Variants in KIAA1217 observed in about 807,000 individuals in gnomAD.
KIAA1217 encodes the protein sickle tail protein homolog.
Under a neutral mutation model 163.9 loss-of-function variants are expected in KIAA1217, and 88 were observed. The ratio of observed to expected loss-of-function variants is 0.54; its 90% CI spans 0.45 to 0.64. KIAA1217 has a LOEUF of 0.64. Ranked by LOEUF, KIAA1217 falls within the 30% of genes least tolerant of loss-of-function variation. The probability of loss-of-function intolerance (pLI) is 0.00; values close to 1 mark genes in which losing one functional copy is unlikely to be tolerated. For synonymous variants in KIAA1217, 903 were observed against 923.1 expected (o/e 0.98, Z 0.39); for missense variants, 2,372 against 2,475.0 (o/e 0.96, Z 0.88).
Position 23,717,870 on chromosome 10 carries a change from T to C in KIAA1217, c.-321+22636T>C, listed in dbSNP as rs993736199. On this transcript the variant is annotated intron_variant, in intron 1 of 18. Transcript: ENST00000376462. ...ACCACTTGTTCAGGAAAAGTTCAGT[T>C]CATCTAACAATGAGACTCAGGTCCT... 2.0e-5 allele frequency among the ~76,000 whole-genome samples: 3 copies of C among 152,290 alleles called. No individual in the cohort carries two copies. The South Asian group carries it at 6.2e-4, about 32-fold the overall frequency.
intron 3 of KIAA1217, among the ~76,000 whole-genome samples, chr10:24,423,995 T>C (rs1435101175): frequency 6.6e-6 from 1 of 152,168 alleles, no homozygotes; most frequent in Non-Finnish European, 1.5e-5. Flanking sequence ...TAGATCCTTC[T>C]TGAATACAGC....
chr10:24,165,905 C>CT (rs1337860328), intron 2 of KIAA1217, among the ~76,000 whole-genome samples: 1 of 152,100 alleles, frequency 6.6e-6, no homozygotes, highest in East Asian at 1.9e-4. Flanking sequence ...ACTTTGCTGG[C>CT]TTTTATCAGT....
In KIAA1217 at chr10:24,542,942, T is replaced by C; in HGVS notation, c.3672T>C (p.Asn1224=). The change falls in exon 19 of 21, where the codon AAT becomes AAC. Residue 1224 remains asparagine, a synonymous_variant. Coordinates refer to ENST00000376454, the MANE Select transcript of KIAA1217 (RefSeq NM_019590.5). ...CTAAGTGGGAAAGAGGAATGGAGAA[T>C]AGTATTTCTGATGCATCAAGAACAT... ...DPPKWERGME[N]SISDASRTSE... The C allele has an allele frequency of 1.2e-6, 2 of 1,613,522 alleles. No individual in the cohort carries two copies. Among genetic ancestry groups the C allele is most frequent in the South Asian group, 1.1e-5 (1 of 91,032 alleles).
At chr10:24,371,514 T>C (rs375010220) in intron 2 of KIAA1217, among the ~76,000 whole-genome samples, 1 of 152,256 alleles carries the variant, frequency 6.6e-6, no homozygotes, top group Non-Finnish European at 1.5e-5. Context: ...GCAATCTGCA[T>C]GTCTGAAATT....
chr10:23,840,786 A>G (rs1426003160), intron 1 of KIAA1217, among the ~76,000 whole-genome samples: 1 of 152,220 alleles, frequency 6.6e-6, no homozygotes, highest in Admixed American at 6.5e-5. Flanking sequence ...CTATAAAGAA[A>G]CTTGTGGAAA....
intron 1 of KIAA1217, among the ~76,000 whole-genome samples, chr10:23,774,676 G>T (rs1337286544): frequency 6.6e-6 from 1 of 152,100 alleles, no homozygotes; most frequent in Non-Finnish European, 1.5e-5. Flanking sequence ...TCCCCAGGCT[G>T]TCCACAAGAC....
chr10:24,068,285 C>T (rs1393215493), intron 2 of KIAA1217, among the ~76,000 whole-genome samples: 1 of 152,158 alleles, frequency 6.6e-6, no homozygotes, highest in Non-Finnish European at 1.5e-5. Context: ...ATCTTAGCTC[C>T]ACACCCTCAG....
intron 1 of KIAA1217, among the ~76,000 whole-genome samples, chr10:23,796,571 C>T (rs1836217655): frequency 1.3e-5 from 2 of 151,984 alleles, no homozygotes; most frequent in South Asian, 4.1e-4. Context: ...CCATGTTGGC[C>T]AGGATGGTCT....
intron 1 of KIAA1217, among the ~76,000 whole-genome samples, chr10:23,950,684 C>T (rs1180527418): frequency 6.6e-6 from 1 of 152,010 alleles, no homozygotes; most frequent in Non-Finnish European, 1.5e-5. Context: ...GGGACTGACC[C>T]TGGGCTCAAA....
At chr10:24,087,614 T>C (rs1320048759) in intron 2 of KIAA1217, among the ~76,000 whole-genome samples, 1 of 152,204 alleles carries the variant, frequency 6.6e-6, no homozygotes, top group Non-Finnish European at 1.5e-5. Context: ...CTAACCCTCA[T>C]AGTTAGCCTT....
In KIAA1217 at chr10:24,283,076, A is replaced by G. The variant is rs370349000; in HGVS notation, c.354+63167A>G. On this transcript the variant is annotated intron_variant, in intron 2 of 20. Transcript: ENST00000376454. ...TTGAACTCCCAACCTCAGGTGATCC[A>G]CCCACCTCGTCCTCCCAAAGTGCTG... Among the ~76,000 whole-genome samples the G allele has an allele frequency of 1.3e-3, 203 of 151,212 alleles. 1 individual carries two copies. Among genetic ancestry groups the G allele is most frequent in the African/African-American group, 4.4e-3 (182 of 41,274 alleles).
At chr10:24,318,558 CTCTTTCTGGTTT>C (rs1564463359) in intron 2 of KIAA1217, among the ~76,000 whole-genome samples, 1 of 152,148 alleles carries the variant, frequency 6.6e-6, no homozygotes, top group East Asian at 1.9e-4. Flanking sequence ...ATCACTCTCT[CTCTTTCTGGTTT>C]TCTCTTGAAT....
chr10:24,473,106 T>C, intron 5 of KIAA1217, 122 bp from the exon 6 acceptor site: 1 of 644,506 alleles, frequency 1.6e-6, no homozygotes. Context: ...AGGAAACATA[T>C]TCACAGATTC....
Position 24,433,020 on chromosome 10 carries a change from T to A in KIAA1217, c.579T>A (p.Asp193Glu), listed in dbSNP as rs537480498. The change falls in exon 4 of 21, where the codon GAT (aspartate) becomes GAA (glutamate). Residue 193 changes from aspartate to glutamate, a missense_variant. By Grantham distance (45) the Asp-to-Glu change is conservative. Coordinates refer to ENST00000376454, the MANE Select transcript of KIAA1217 (RefSeq NM_019590.5). ...GGGTTCTCTATCTCCAGTATGGAGATGAAACCAAGCAGCTCAGGATGCCGA... is the reference window on the plus strand; with the variant it reads ...GGGTTCTCTATCTCCAGTATGGAGAAGAAACCAAGCAGCTCAGGATGCCGA... ...SLGVLYLQYG[D>E]ETKQLRMPNE... The A allele has an allele frequency of 2.5e-6, 4 of 1,614,164 alleles. No homozygotes were observed. The South Asian group carries it at 3.3e-5, about 13-fold the overall frequency.
At chr10:24,540,626 G>A (rs746103415) in intron 17 of KIAA1217, among the ~76,000 whole-genome samples, 4 of 152,166 alleles carry the variant, frequency 2.6e-5, no homozygotes, top group African/African-American at 4.8e-5. Flanking sequence ...CATCTGCCAC[G>A]TGTGTGTCTT....
intron 2 of KIAA1217, among the ~76,000 whole-genome samples, chr10:24,092,932 G>GT (rs1248618966): frequency 1.4e-5 from 2 of 148,096 alleles, no homozygotes; most frequent in African/African-American, 5.0e-5. Context: ...TGTGTGTTGT[G>GT]TGTGTGTGTG....
chr10:24,187,574 G>T (rs1031069253), intron 2 of KIAA1217, among the ~76,000 whole-genome samples: 4 of 152,142 alleles, frequency 2.6e-5, no homozygotes, highest in African/African-American at 9.7e-5. Context: ...CAATTTCTTT[G>T]AAGTCCAGCA....
intron 1 of KIAA1217, among the ~76,000 whole-genome samples, chr10:23,785,510 T>A (rs1198350013): frequency 1.3e-5 from 2 of 152,204 alleles, no homozygotes; most frequent in Non-Finnish European, 2.9e-5. Context: ...TATTTTATTT[T>A]TCATCACTTT....
At chr10:24,165,999 A>G (rs762864500) in intron 2 of KIAA1217, among the ~76,000 whole-genome samples, 1 of 152,196 alleles carries the variant, frequency 6.6e-6, no homozygotes, top group African/African-American at 2.4e-5. Flanking sequence ...TTCTTCTTCC[A>G]TGCTCCATCC....
Sources: allele counts gnomAD v4.1 joint callset (sites outside exome capture counted in the v4.1 genomes callset), GRCh38; gene constraint gnomAD v4.1.1; transcripts MANE v1.5; gene names NCBI Gene and HGNC (gene_info 2026-07-23, HGNC 2026-07-21).